Variants in LRRC38 observed in about 807,000 individuals in gnomAD.
LRRC38 encodes leucine rich repeat containing 38.
A neutral mutation model predicts 16.4 loss-of-function variants in LRRC38; 5 were observed. That is an observed-to-expected ratio of 0.31 (90% CI 0.16 to 0.64). The LOEUF (loss-of-function observed/expected upper bound fraction) is 0.64, where lower values mean the gene tolerates loss of function less well. LRRC38 is among the 30% of genes least tolerant of loss of function. The pLI, the probability that LRRC38 is intolerant of heterozygous loss-of-function variation, is 0.80. For missense variants in LRRC38, 341 were observed against 401.8 expected, an observed-to-expected ratio of 0.85 and a Z score of 1.29; for synonymous variants, 191 against 190.2, an observed-to-expected ratio of 1.00 and a Z score of -0.04.
chr1:13,481,492 C>T (rs541904183), intron 1 of LRRC38, among the ~76,000 whole-genome samples: 79 of 151,558 alleles, frequency 5.2e-4, no homozygotes, highest in African/African-American at 1.5e-3. Context: ...CCTGGGTTCA[C>T]GCCATTCTCC....
chr1:13,476,040 G>T lies in LRRC38; in HGVS notation c.691C>A (p.Leu231Met), dbSNP rs1569904372. 1 of 1,550,544 alleles carries T rather than the reference G, an allele frequency of 6.4e-7. No homozygotes were observed. Among genetic ancestry groups the T allele is most frequent in the Non-Finnish European group, 8.7e-7 (1 of 1,146,986 alleles). Residue 231 changes from leucine to methionine, a missense_variant, in exon 2 of 2, where the codon CTG becomes ATG. Leu to Met is a conservative substitution (Grantham distance 15). Transcript: ENST00000376085. The part of the protein sequence containing the change: ...MESRRISLRE[L>M]SEASFSECRF... ...CACTCGCTGAAGCTGGCCTCCGACA[G>T]CTCACGCAGGGATATCCTCCTGCTC...
At chr1:13,496,807 T>G (rs1639085516) in intron 1 of LRRC38, among the ~76,000 whole-genome samples, 2 of 152,078 alleles carry the variant, frequency 1.3e-5, no homozygotes, top group Admixed American at 1.3e-4. Context: ...CCATAGGGAC[T>G]GGTACAAGAG....
chr1:13,477,090 G>A (rs557083601), intron 1 of LRRC38, among the ~76,000 whole-genome samples: 4 of 152,164 alleles, frequency 2.6e-5, no homozygotes, highest in Non-Finnish European at 5.9e-5. Context: ...GGGCGACAGA[G>A]CGAGACTCCA....
rs1569917720 is a variant in LRRC38, at chr1:13,487,699, G to A, written c.632-11600C>T. Among the ~76,000 whole-genome samples the A allele has an allele frequency of 6.6e-6, 1 of 152,192 alleles. No homozygotes were observed. Among genetic ancestry groups the A allele is most frequent in the Non-Finnish European group, 1.5e-5 (1 of 68,042 alleles). ...ACACCTGAGCTGGAGAGGGTGAAGA[G>A]CTGCCATTCTCCAGAAATAGACAGT... On this transcript the variant is annotated intron_variant, in intron 1 of 1. Coordinates refer to ENST00000376085, the MANE Select transcript of LRRC38 (RefSeq NM_001010847.2). The surrounding 1 kb of genome is among the most constrained non-coding windows in gnomAD (Gnocchi z 4.4).
chr1:13,487,142 A>G lies in LRRC38; in HGVS notation c.632-11043T>C, dbSNP rs141001462. On this transcript the variant is annotated intron_variant, in intron 1 of 1. Coordinates refer to ENST00000376085, the MANE Select transcript of LRRC38 (RefSeq NM_001010847.2). This position sits in a 1 kb window ranked among gnomAD's most constrained non-coding sequence, Gnocchi z 4.4. ...AGGCTTCTCTTCAATTCTGTGAACT[A>G]TCTGACATCCCTGCAACAAATTCCT... is the stretch of plus-strand genomic sequence containing the variant. 1.3e-5 allele frequency among the ~76,000 whole-genome samples: 2 copies of G among 152,308 alleles called. No individual in the cohort carries two copies. Among genetic ancestry groups the G allele is most frequent in the African/African-American group, 4.8e-5 (2 of 41,566 alleles).
intron 1 of LRRC38, 21 bp downstream of exon 1, chr1:13,512,942 A>G (rs1181311862): frequency 2.8e-6 from 1 of 351,736 alleles, no homozygotes; most frequent in Non-Finnish European, 4.3e-6. Context: ...TCCCTCCCCC[A>G]GCCTAGCCGG....
chr1:13,503,640 T>C (rs1319411143), intron 1 of LRRC38, among the ~76,000 whole-genome samples: 1 of 152,198 alleles, frequency 6.6e-6, no homozygotes. Flanking sequence ...CTCACCCAGC[T>C]GACCCTGGGG....
chr1:13,496,909 T>C (rs1639087635), intron 1 of LRRC38, among the ~76,000 whole-genome samples: 1 of 151,888 alleles, frequency 6.6e-6, no homozygotes, highest in African/African-American at 2.4e-5. Context: ...AGGTGGCATT[T>C]GAGAAAGGGT....
chr1:13,500,486 AGGCT>A (rs1639135487), intron 1 of LRRC38, among the ~76,000 whole-genome samples: 1 of 152,200 alleles, frequency 6.6e-6, no homozygotes, highest in East Asian at 1.9e-4. Flanking sequence ...ATTCAGCAAC[AGGCT>A]AATCAGAAAC....
chr1:13,488,038 G>A (rs980712786), intron 1 of LRRC38, among the ~76,000 whole-genome samples: 6 of 150,330 alleles, frequency 4.0e-5, no homozygotes, highest in African/African-American at 1.5e-4. Flanking sequence ...GTGTTTGTGT[G>A]TGTGTGTGTG....
intron 1 of LRRC38, among the ~76,000 whole-genome samples, chr1:13,512,499 G>GAGCTGAGA (rs1442027038): frequency 5.9e-5 from 9 of 152,142 alleles, no homozygotes; most frequent in African/African-American, 2.2e-4. Context: ...GAGCAAACTG[G>GAGCTGAGA]AGCTGAGAAG....
At chr1:13,485,047 G>A (rs1038282311) in intron 1 of LRRC38, among the ~76,000 whole-genome samples, 1 of 151,860 alleles carries the variant, frequency 6.6e-6, no homozygotes, top group African/African-American at 2.4e-5. Context: ...GGAGGCTGAG[G>A]CAGGGGGATC....
intron 1 of LRRC38, among the ~76,000 whole-genome samples, chr1:13,490,302 G>T (rs543543426): frequency 2.6e-5 from 4 of 152,242 alleles, no homozygotes; most frequent in Non-Finnish European, 5.9e-5. Flanking sequence ...GGAATTACAG[G>T]CAGTTGCCAC....
At chr1:13,476,172 G>T in intron 1 of LRRC38, 73 bp from the exon 2 acceptor site, 1 of 1,461,620 alleles carries the variant, frequency 6.8e-7, no homozygotes. Context: ...GACAAGGCAG[G>T]TGCTTACAAA....
intron 1 of LRRC38, among the ~76,000 whole-genome samples, chr1:13,506,508 A>T (rs1407310612): frequency 6.6e-6 from 1 of 152,088 alleles, no homozygotes; most frequent in Non-Finnish European, 1.5e-5. Context: ...CCCAGGCTGG[A>T]GTGCAGTGGC....
chr1:13,509,797 G>A (rs1312909538), intron 1 of LRRC38, among the ~76,000 whole-genome samples: 20 of 152,156 alleles, frequency 1.3e-4, no homozygotes. Context: ...AAAATTGAAG[G>A]CACAGAGGAC....
chr1:13,512,921 G>GCCCCCCGACC, intron 1 of LRRC38, 42 bp downstream of exon 1: 1 of 1,246,174 alleles, frequency 8.0e-7, no homozygotes, highest in Middle Eastern at 2.0e-4. Flanking sequence ...GCCTCTCCCT[G>GCCCCCCGACC]CCCCCCTCCC....
chr1:13,489,173 G>A (rs913044773), intron 1 of LRRC38, among the ~76,000 whole-genome samples: 2 of 152,070 alleles, frequency 1.3e-5, no homozygotes, highest in Non-Finnish European at 2.9e-5. Context: ...AGGGACCACT[G>A]GGCATTGGTC....
chr1:13,479,005 C>T lies in LRRC38; in HGVS notation c.632-2906G>A, dbSNP rs548685694. On this transcript the variant is annotated intron_variant, in intron 1 of 1. Transcript: ENST00000376085. ...TGGACCAGAGCTCTGCAGGCCTCCC[C>T]AATTTATACTTGATTACTGTTTTTG... 2.0e-5 allele frequency among the ~76,000 whole-genome samples: 3 copies of T among 152,260 alleles called. No homozygotes were observed. The South Asian group carries it at 6.2e-4, about 32-fold the overall frequency.
Sources: gnomAD v4.1 joint callset for allele counts (sites outside exome capture counted in the v4.1 genomes callset) on GRCh38, gnomAD v4.1.1 for gene constraint, Gnocchi (gnomAD v3.1) non-coding constraint, MANE v1.5 for transcripts, NCBI Gene and HGNC (gene_info 2026-07-23, HGNC 2026-07-21) for gene names.